Variants in FAM163A observed in about 807,000 individuals in gnomAD.
FAM163A encodes family with sequence similarity 163 member A, also known as protein FAM163A.
In FAM163A, 7 loss-of-function variants were observed where a neutral mutation model predicts 12.0. That is an observed-to-expected ratio of 0.58 (90% CI 0.33 to 1.10). The LOEUF (loss-of-function observed/expected upper bound fraction) is 1.10. Among genes scored for constraint, FAM163A ranks in the 50% least tolerant of loss-of-function variants. The pLI, the probability that FAM163A is intolerant of heterozygous loss-of-function variation, is 0.03. For synonymous variants in FAM163A, 101 were observed against 91.0 expected (o/e 1.11, Z -0.62); for missense variants, 202 against 218.6 (o/e 0.92, Z 0.48).
At chr1:179,810,292 A>G (rs1158378779) in intron 2 of FAM163A, among the ~76,000 whole-genome samples, 1 of 152,186 alleles carries the variant, frequency 6.6e-6, no homozygotes, top group Non-Finnish European at 1.5e-5. Flanking sequence ...GGGCTGGGGC[A>G]GTCAGGGGAG....
intron 1 of FAM163A, among the ~76,000 whole-genome samples, chr1:179,759,875 C>T (rs1197825270): frequency 6.6e-6 from 1 of 152,150 alleles, no homozygotes. Context: ...CCACGTTGGC[C>T]AGGCTGGTCT....
At chr1:179,751,977 A>G (rs533285043) in intron 1 of FAM163A, among the ~76,000 whole-genome samples, 1 of 152,376 alleles carries the variant, frequency 6.6e-6, no homozygotes. Context: ...ATGGAACCAC[A>G]AAAGACCCCA....
intron 1 of FAM163A, among the ~76,000 whole-genome samples, chr1:179,783,557 A>C (rs1437917131): frequency 6.6e-6 from 1 of 151,806 alleles, no homozygotes; most frequent in Non-Finnish European, 1.5e-5. Flanking sequence ...ATAGAAAAAG[A>C]TAATCTTACT....
chr1:179,800,315 C>T (rs922607401), intron 1 of FAM163A, among the ~76,000 whole-genome samples: 3 of 152,210 alleles, frequency 2.0e-5, no homozygotes, highest in African/African-American at 7.2e-5. Flanking sequence ...TTGTGTCACC[C>T]GAATCAGGGA....
intron 1 of FAM163A, among the ~76,000 whole-genome samples, chr1:179,771,442 CTT>C: frequency 6.6e-6 from 1 of 152,204 alleles, no homozygotes; most frequent in East Asian, 1.9e-4. Flanking sequence ...ATCCTACCCT[CTT>C]TTTCCTGTTT....
At chr1:179,801,123 T>G (rs2148314082) in intron 1 of FAM163A, among the ~76,000 whole-genome samples, 1 of 152,256 alleles carries the variant, frequency 6.6e-6, no homozygotes, top group Non-Finnish European at 1.5e-5. Flanking sequence ...GATAGGCACA[T>G]CTGGATGTAT....
At chr1:179,799,160 C>A (rs1338746239) in intron 1 of FAM163A, among the ~76,000 whole-genome samples, 1 of 151,480 alleles carries the variant, frequency 6.6e-6, no homozygotes, top group African/African-American at 2.4e-5. Flanking sequence ...GAAACAAGCC[C>A]TATAGATGCT....
At chr1:179,765,194 T>C (rs1376557134) in intron 1 of FAM163A, among the ~76,000 whole-genome samples, 2 of 152,206 alleles carry the variant, frequency 1.3e-5, no homozygotes, top group Non-Finnish European at 2.9e-5. Flanking sequence ...CCCACTTCAC[T>C]TGTTGGCAGG....
chr1:179,793,851 G>A (rs901255140), intron 1 of FAM163A, among the ~76,000 whole-genome samples: 2 of 152,236 alleles, frequency 1.3e-5, no homozygotes, highest in Non-Finnish European at 2.9e-5. Context: ...CACATGCTGG[G>A]TGGCTGTTGC....
the FAM163A span, among the ~76,000 whole-genome samples, chr1:179,735,457 CCTT>C: frequency 6.8e-6 from 1 of 146,950 alleles, no homozygotes; most frequent in African/African-American, 2.5e-5. Flanking sequence ...TGCTAAACCA[CCTT>C]CTGCTTTGAG....
At chr1:179,755,033 A>T (rs1396659142) in intron 1 of FAM163A, among the ~76,000 whole-genome samples, 1 of 151,524 alleles carries the variant, frequency 6.6e-6, no homozygotes, top group East Asian at 2.0e-4. Context: ...GCTGCTTGGG[A>T]GGCTGAGGCA....
At chr1:179,745,138 G>T (rs942022692) in intron 1 of FAM163A, among the ~76,000 whole-genome samples, 2 of 152,068 alleles carry the variant, frequency 1.3e-5, no homozygotes, top group African/African-American at 4.8e-5. Context: ...TACAGACAGG[G>T]TCATGCTGGC....
upstream of FAM163A, among the ~76,000 whole-genome samples, chr1:179,738,514 C>T (rs193252719): frequency 9.9e-5 from 15 of 152,210 alleles, no homozygotes; most frequent in Admixed American, 4.6e-4. Context: ...AAGATTTATA[C>T]ACTTTGACCA....
intron 1 of FAM163A, among the ~76,000 whole-genome samples, chr1:179,771,871 C>T (rs1688337759): frequency 6.6e-6 from 1 of 152,108 alleles, no homozygotes; most frequent in Non-Finnish European, 1.5e-5. Flanking sequence ...TCCTCAGGCT[C>T]CCTGGCACCC....
intron 1 of FAM163A, chr1:179,803,994 G>A (rs1384629662): frequency 7.2e-6 from 1 of 139,616 alleles, no homozygotes; most frequent in African/African-American, 2.6e-5. Flanking sequence ...CAGGCGGCAG[G>A]AGGAGGGGGA....
chr1:179,772,783 G>A (rs1196984382), intron 1 of FAM163A, among the ~76,000 whole-genome samples: 2 of 151,904 alleles, frequency 1.3e-5, no homozygotes, highest in East Asian at 3.9e-4. Flanking sequence ...GGAACCCAGG[G>A]CCCTAGCTTT....
intron 1 of FAM163A, among the ~76,000 whole-genome samples, chr1:179,790,147 C>T (rs2148240487): frequency 6.6e-6 from 1 of 151,174 alleles, no homozygotes; most frequent in Non-Finnish European, 1.5e-5. Flanking sequence ...AAGATAATGC[C>T]ATGGCTCCAA....
the FAM163A span, among the ~76,000 whole-genome samples, chr1:179,737,800 A>G: frequency 6.6e-6 from 1 of 151,134 alleles, no homozygotes; most frequent in Non-Finnish European, 1.5e-5. Flanking sequence ...GCACCACTAC[A>G]CTCCAGCCTG....
intron 1 of FAM163A, among the ~76,000 whole-genome samples, chr1:179,757,708 A>G (rs1686223562): frequency 6.6e-6 from 1 of 152,218 alleles, no homozygotes; most frequent in South Asian, 2.1e-4. Context: ...GCTACTCAGG[A>G]GGCTGAGGCA....
Sources: gnomAD v4.1 joint callset for allele counts (sites outside exome capture counted in the v4.1 genomes callset) on GRCh38, gnomAD v4.1.1 for gene constraint, MANE v1.5 for transcripts, NCBI Gene and HGNC (gene_info 2026-07-23, HGNC 2026-07-21) for gene names.